HERC1: variants seen among roughly 807,000 people sequenced by gnomAD.
HERC1 encodes probable E3 ubiquitin-protein ligase HERC1.
HERC1 carries 160 observed loss-of-function variants against 554.3 expected under a neutral mutation model. The observed-to-expected ratio is 0.29, with a 90% CI of 0.25 to 0.33. The LOEUF (loss-of-function observed/expected upper bound fraction) is 0.33, where lower values mean the gene tolerates loss of function less well. Ranked by LOEUF, HERC1 falls within the 10% of genes least tolerant of loss-of-function variation. The pLI is 1.00. For synonymous variants in HERC1, 2,175 were observed against 2,131.7 expected (o/e 1.02, Z -0.56); for missense variants, 4,919 against 5,918.5 (o/e 0.83, Z 5.54).
At chr15:63,786,176 T>A (rs551867236) in intron 1 of HERC1, among the ~76,000 whole-genome samples, 1 of 151,744 alleles carries the variant, frequency 6.6e-6, no homozygotes, top group African/African-American at 2.4e-5. Context: ...GTGGGAGGAC[T>A]GCTGGAGGCC....
At position 63,662,999 on chromosome 15, in the gene HERC1, C is replaced by T. The variant is rs2152935633; in HGVS notation, c.8886G>A (p.Leu2962=). Residue 2962 remains leucine, a synonymous_variant, in exon 44 of 78, where the codon CTG becomes CTA. Transcript: ENST00000443617. ...TCACACACACCCAGGTAGGCCAATC[C>T]AGTACCTCTGGGATCCACATTCCCA... ...DILGMWIPEV[L]DWPTWHVCES... 1 of 1,613,870 alleles carries T rather than the reference C, an allele frequency of 6.2e-7. No individual in the cohort carries two copies. The highest frequency in any genetic ancestry group is 1.1e-5 in the South Asian group (1 of 91,082).
intron 12 of HERC1, among the ~76,000 whole-genome samples, chr15:63,736,484 C>T (rs540048260): frequency 2.1e-4 from 32 of 152,196 alleles, no homozygotes; most frequent in Non-Finnish European, 3.2e-4. Context: ...CTTTAAGTGA[C>T]AGACATGAAA....
chr15:63,632,829 A>G lies in HERC1; in HGVS notation c.12694-18T>C, dbSNP rs982669171. 2 of 1,487,696 alleles carry G rather than the reference A, an allele frequency of 1.3e-6. No individual in the cohort carries two copies. Among genetic ancestry groups the G allele is most frequent in the East Asian group, 2.4e-5 (1 of 41,004 alleles). The allele number at this position is 1,487,696 out of a possible 1,614,324, so 92.2% of individuals were successfully genotyped here. On this transcript the variant is annotated intron_variant, in intron 67 of 77. Coordinates refer to ENST00000443617, the MANE Select transcript of HERC1 (RefSeq NM_003922.4). ...TCAATTTTCTACAAAATAAAAGTGT[A>G]AGGCACACAACTTTAAGAAGAAAAA...
chr15:63,832,089 T>C (rs1203192723), intron 1 of HERC1, among the ~76,000 whole-genome samples: 2 of 152,204 alleles, frequency 1.3e-5, no homozygotes, highest in African/African-American at 2.4e-5. Context: ...ATCCTATTTT[T>C]AAAAGGCTCC....
intron 68 of HERC1, 66 bp from the exon 69 acceptor site, chr15:63,630,701 TTCTGA>T (rs1368041650): frequency 4.7e-5 from 70 of 1,484,166 alleles, no homozygotes; most frequent in Non-Finnish European, 5.6e-5. Flanking sequence ...CTTTTATATT[TTCTGA>T]TCAGTCATTT....
intron 70 of HERC1, among the ~76,000 whole-genome samples, chr15:63,627,482 T>G (rs2068349439): frequency 6.6e-6 from 1 of 152,120 alleles, no homozygotes; most frequent in African/African-American, 2.4e-5. Context: ...AAGACCAGCC[T>G]GGCCAATATG....
chr15:63,681,405 C>T (rs2071470468), intron 34 of HERC1, among the ~76,000 whole-genome samples: 1 of 152,116 alleles, frequency 6.6e-6, no homozygotes, highest in African/African-American at 2.4e-5. Context: ...TTATGTTACA[C>T]AGTCTGGTCT....
At position 63,632,665 on chromosome 15, in the gene HERC1, TATA is replaced by T. The variant is rs767594887; in HGVS notation, c.12796+41_12796+43del. On this transcript the variant is annotated intron_variant, in intron 68 of 77. Transcript: ENST00000443617. ...TCTGTAACACTGGAAGGCCAATGTT[TATA>T]ATGATGTGTACCCAAGCAAATAAGC... 3.4e-5 allele frequency: 43 copies of T among 1,275,380 alleles called. No individual in the cohort carries two copies. The African/African-American group carries it at 6.2e-4, about 18-fold the overall frequency. The allele number at this position is 1,275,380 out of a possible 1,614,324, so 79.0% of individuals were successfully genotyped here.
intron 19 of HERC1, among the ~76,000 whole-genome samples, chr15:63,722,286 T>C (rs977604212): frequency 6.6e-6 from 1 of 152,226 alleles, no homozygotes; most frequent in Non-Finnish European, 1.5e-5. Context: ...ACCAGCACTC[T>C]AGAGTAGGCA....
Position 63,616,481 on chromosome 15 carries a change from G to C in HERC1, c.13890C>G (p.Asn4630Lys), listed in dbSNP as rs769875333. The C allele has an allele frequency of 6.2e-7, 1 of 1,613,978 alleles. No individual in the cohort carries two copies. Among genetic ancestry groups the C allele is most frequent in the South Asian group, 1.1e-5 (1 of 91,084 alleles). Reference protein sequence around the residue: ...EVDLLYVQTLNSILHIEDSGI... With the variant: ...EVDLLYVQTLKSILHIEDSGI... ...CACTGTCTTCAATGTGAAGAATGCT[G>C]TTGAGAGTCTGCACGTAGAGCAGAT... The change falls in exon 75 of 78, where the codon AAC becomes AAG. Residue 4630 changes from asparagine to lysine, a missense_variant. By Grantham distance (94) the Asn-to-Lys change is moderately conservative. Coordinates refer to ENST00000443617, the MANE Select transcript of HERC1 (RefSeq NM_003922.4).
In HERC1 at chr15:63,645,032, G is replaced by C; in HGVS notation, c.11144C>G (p.Thr3715Ser). 1 of 1,613,664 alleles carries C rather than the reference G, an allele frequency of 6.2e-7. No homozygotes were observed. The highest frequency in any genetic ancestry group is 8.5e-7 in the Non-Finnish European group (1 of 1,179,640). ...CTGCTCCCACCATCCTTCTGCACTA[G>C]TCACATTGGTCTGTGTAGTATCTTG... ...IPQDTTQTNV[T>S]SAEGWWEQES... Residue 3715 changes from threonine (T) to serine (S), a missense_variant, in exon 57 of 78, where the codon ACT (threonine) becomes AGT (serine). Coordinates refer to ENST00000443617, the MANE Select transcript of HERC1 (RefSeq NM_003922.4).
At chr15:63,828,107 A>G (rs2078004371) in intron 1 of HERC1, among the ~76,000 whole-genome samples, 1 of 152,222 alleles carries the variant, frequency 6.6e-6, no homozygotes, top group African/African-American at 2.4e-5. Context: ...TAAAAGGGTG[A>G]GTTGTATGGT....
intron 77 of HERC1, 93 bp from the exon 78 acceptor site, chr15:63,609,359 G>GA: frequency 9.0e-7 from 1 of 1,112,712 alleles, no homozygotes; most frequent in Non-Finnish European, 1.3e-6. Context: ...CTTCAAGATG[G>GA]AATTAACATG....
intron 5 of HERC1, among the ~76,000 whole-genome samples, chr15:63,755,790 GAAAGA>G (rs1452516866): frequency 2.0e-5 from 3 of 151,980 alleles, no homozygotes; most frequent in Non-Finnish European, 4.4e-5. Flanking sequence ...AAAAAAGAAA[GAAAGA>G]AAAGAGAGGA....
At chr15:63,659,574 C>T (rs972653018) in intron 47 of HERC1, among the ~76,000 whole-genome samples, 162 bp downstream of exon 47, 1 of 152,134 alleles carries the variant, frequency 6.6e-6, no homozygotes, top group Non-Finnish European at 1.5e-5. Flanking sequence ...CCACATTATA[C>T]CTTCAAAATG....
intron 2 of HERC1, 35 bp downstream of exon 2, chr15:63,774,659 T>G (rs1245981389): frequency 6.8e-7 from 1 of 1,480,176 alleles, no homozygotes; most frequent in African/African-American, 1.4e-5. Flanking sequence ...CCAAAAACTA[T>G]TATGAACTTT....
rs1274507799 is a variant in HERC1 at position 63,660,982 on chromosome 15, C to T, written c.9214G>A (p.Val3072Met). 6.2e-7 allele frequency: 1 copy of T among 1,607,134 alleles called. No individual in the cohort carries two copies. The highest frequency in any genetic ancestry group is 2.2e-5 in the East Asian group (1 of 44,816). Reference protein sequence around the residue: ...APDLIGKQDSVYEEDWDMLDV... With the variant: ...APDLIGKQDSMYEEDWDMLDV... The stretch of plus-strand genomic sequence containing the variant: ...TCTCAAAACAAACTACCTTCATACA[C>T]ACTGTCTTGCTTGCCAATTAGATCT... The change falls in exon 46 of 78, where the codon GTG becomes ATG. Residue 3072 changes from valine to methionine, a missense_variant. By Grantham distance (21) the Val-to-Met change is conservative. Around this residue, in one of 11 missense-constraint regions of HERC1, gnomAD observed 1,963 missense variants for 2,228.6 expected, o/e 0.88. Coordinates refer to ENST00000443617, the MANE Select transcript of HERC1 (RefSeq NM_003922.4).
At chr15:63,689,438 G>C in intron 33 of HERC1, 151 bp downstream of exon 33, 1 of 559,150 alleles carries the variant, frequency 1.8e-6, no homozygotes, top group South Asian at 2.4e-5. Flanking sequence ...AAGCTGAGGG[G>C]AGGGAATCAG....
chr15:63,620,649 A>C (rs547725613), intron 74 of HERC1, among the ~76,000 whole-genome samples: 4,886 of 151,950 alleles, frequency 0.032, 247 homozygotes, highest in African/African-American at 0.11. Flanking sequence ...GTAGGTCACT[A>C]AGGACTTGGT....
Sources: gnomAD v4.1 joint callset for allele counts (sites outside exome capture counted in the v4.1 genomes callset) on GRCh38, gnomAD v4.1.1 for gene constraint, gnomAD v4.1.1 regional missense constraint, MANE v1.5 for transcripts, NCBI Gene and HGNC (gene_info 2026-07-23, HGNC 2026-07-21) for gene names.